WDR59: variants seen among roughly 807,000 people sequenced by gnomAD.
WDR59 encodes the protein GATOR2 complex protein WDR59.
Under a neutral mutation model 131.2 loss-of-function variants are expected in WDR59, and 100 were observed. The ratio of observed to expected loss-of-function variants is 0.76; its 90% CI spans 0.65 to 0.90. The LOEUF is 0.90. Ranked by LOEUF, WDR59 falls within the 40% of genes least tolerant of loss-of-function variation. The pLI, the probability that WDR59 is intolerant of heterozygous loss-of-function variation, is 0.00. For missense variants in WDR59, 1,203 were observed against 1,262.2 expected, an observed-to-expected ratio of 0.95 and a Z score of 0.71; for synonymous variants, 601 against 466.2, an observed-to-expected ratio of 1.29 and a Z score of -3.72.
At chr16:74,933,085 A>G (rs1597742000) in intron 8 of WDR59, among the ~76,000 whole-genome samples, 1 of 152,186 alleles carries the variant, frequency 6.6e-6, no homozygotes, top group Admixed American at 6.6e-5. Context: ...ATAGTACACA[A>G]AAGGAATAAA....
chr16:74,923,620 G>A (rs1000374077), intron 9 of WDR59, among the ~76,000 whole-genome samples: 3 of 152,090 alleles, frequency 2.0e-5, no homozygotes, highest in African/African-American at 7.2e-5. Flanking sequence ...TGGGACTACA[G>A]GCATATGCCA....
intron 6 of WDR59, among the ~76,000 whole-genome samples, chr16:74,945,267 G>C (rs1415027026): frequency 6.6e-6 from 1 of 151,924 alleles, no homozygotes; most frequent in African/African-American, 2.4e-5. Flanking sequence ...ATGAGGTCAG[G>C]AGATCGAGAC....
intron 8 of WDR59, among the ~76,000 whole-genome samples, chr16:74,928,317 G>A (rs917115990): frequency 6.7e-6 from 1 of 150,274 alleles, no homozygotes; most frequent in African/African-American, 2.5e-5. Context: ...CAGTTCAAGT[G>A]ATCTTCCTGC....
At chr16:74,936,861 C>G (rs555714296) in intron 8 of WDR59, among the ~76,000 whole-genome samples, 1 of 151,776 alleles carries the variant, frequency 6.6e-6, no homozygotes, top group Non-Finnish European at 1.5e-5. Flanking sequence ...AAAAATCAAA[C>G]GTAATACGAA....
chr16:74,908,149 G>A (rs967351089), intron 17 of WDR59, among the ~76,000 whole-genome samples: 13 of 151,274 alleles, frequency 8.6e-5, no homozygotes, highest in Admixed American at 6.0e-4. Context: ...TGGGCATGGT[G>A]GCTCACACCT....
rs1259648983 is a variant in WDR59 at position 74,889,767 on chromosome 16, A to C, written c.2131T>G (p.Ser711Ala). ...CAGGGTGTTTCCAAATCTGGGTCAG[A>C]TTTCGGACCAAGGCAAAGATCTGTA... ...VATDLCLGPK[S>A]DPDLETPWAR... The change falls in exon 21 of 26, where the codon TCT (serine) becomes GCT (alanine). Residue 711 changes from serine to alanine, a missense_variant. Physicochemically the swap from Ser to Ala is moderately conservative, Grantham distance 99. Coordinates refer to ENST00000262144, the MANE Select transcript of WDR59 (RefSeq NM_030581.4). The C allele has an allele frequency of 1.9e-6, 3 of 1,614,166 alleles. No individual in the cohort carries two copies. Among genetic ancestry groups the C allele is most frequent in the Non-Finnish European group, 2.5e-6 (3 of 1,180,028 alleles).
At chr16:74,875,088 A>G (rs1245989406) in intron 25 of WDR59, among the ~76,000 whole-genome samples, 1 of 152,166 alleles carries the variant, frequency 6.6e-6, no homozygotes. Flanking sequence ...GTATCAGCTG[A>G]AAGAACTGAA....
intron 10 of WDR59, 87 bp from the exon 11 acceptor site, chr16:74,918,095 T>C: frequency 7.6e-7 from 1 of 1,317,982 alleles, no homozygotes; most frequent in Non-Finnish European, 1.1e-6. Flanking sequence ...GATTCATCCA[T>C]CCATTCAACA....
chr16:74,916,256 A>G lies in WDR59; in HGVS notation c.970T>C (p.Cys324Arg), dbSNP rs751210259. ...ACACCATCTAATATGTCATTTGCACAAAGCTGCAACAAAGGGTAGAAGATG... is the reference window on the plus strand; with the variant it reads ...ACACCATCTAATATGTCATTTGCACGAAGCTGCAACAAAGGGTAGAAGATG... ...WRVDSQMQRL[C>R]ANDILDGVDE... Residue 324 changes from cysteine (C) to arginine (R), a missense_variant, in exon 12 of 26, where the codon TGT (cysteine) becomes CGT (arginine). Cys to Arg is a radical substitution (Grantham distance 180). Coordinates refer to ENST00000262144, the MANE Select transcript of WDR59 (RefSeq NM_030581.4). 6.2e-7 allele frequency: 1 copy of G among 1,613,916 alleles called. No homozygotes were observed. Among genetic ancestry groups the G allele is most frequent in the Non-Finnish European group, 8.5e-7 (1 of 1,179,922 alleles).
At chr16:74,963,356 T>C (rs2033637821) in intron 2 of WDR59, 1 of 152,080 alleles carries the variant, frequency 6.6e-6, no homozygotes, top group South Asian at 2.1e-4. Flanking sequence ...CCACCAATGA[T>C]AGACTGAATA....
intron 1 of WDR59, among the ~76,000 whole-genome samples, chr16:74,967,567 G>C (rs994378657): frequency 6.6e-6 from 1 of 152,142 alleles, no homozygotes; most frequent in Admixed American, 6.6e-5. Context: ...TTGACCTTAA[G>C]ATAGAACTCG....
At chr16:74,959,510 A>C (rs1453712573) in intron 2 of WDR59, 1 of 450,950 alleles carries the variant, frequency 2.2e-6, no homozygotes, top group Non-Finnish European at 4.5e-6. Context: ...TCACACTGGA[A>C]CTCTTAGTGC....
chr16:74,879,394 G>C (rs1789162588), intron 25 of WDR59, among the ~76,000 whole-genome samples: 1 of 152,132 alleles, frequency 6.6e-6, no homozygotes, highest in South Asian at 2.1e-4. Context: ...TAAGCTGACA[G>C]CATTACCACC....
Position 74,874,422 on chromosome 16 carries a change from G to C in WDR59, c.2712C>G (p.His904Gln). The C allele has an allele frequency of 6.2e-7, 1 of 1,614,058 alleles. No individual in the cohort carries two copies. The highest frequency in any genetic ancestry group is 8.5e-7 in the Non-Finnish European group (1 of 1,180,024). The change falls in exon 26 of 26, where the codon CAC becomes CAG. Residue 904 changes from histidine to glutamine, a missense_variant. Physicochemically the swap from His to Gln is conservative, Grantham distance 24 (BLOSUM62 0). Transcript: ENST00000262144. The part of the protein sequence containing the change: ...KGIEFGVYCS[H>Q]CRSEVRGTQC... The stretch of plus-strand genomic sequence containing the variant: ...GCGTGCCACGGACCTCACTCCGGCA[G>C]TGGCTGCAGTACACGCCGAACTCTG...
At chr16:74,957,510 C>T (rs564374385) in intron 2 of WDR59, among the ~76,000 whole-genome samples, 9 of 152,058 alleles carry the variant, frequency 5.9e-5, no homozygotes, top group Non-Finnish European at 8.8e-5. Flanking sequence ...TCAAAATTCC[C>T]CTTACTACTT....
At chr16:74,959,654 T>C in intron 2 of WDR59, 1 of 390,456 alleles carries the variant, frequency 2.6e-6, no homozygotes, top group South Asian at 2.0e-5. Flanking sequence ...TGGTGACATG[T>C]GCCTGTACTC....
At chr16:74,934,422 T>G (rs540208780) in intron 8 of WDR59, among the ~76,000 whole-genome samples, 20 of 152,308 alleles carry the variant, frequency 1.3e-4, no homozygotes, top group African/African-American at 4.6e-4. Flanking sequence ...TTTGATAATA[T>G]CCTCACTGTT....
intron 18 of WDR59, among the ~76,000 whole-genome samples, chr16:74,895,702 A>C (rs1017732691): frequency 9.2e-5 from 14 of 152,232 alleles, no homozygotes; most frequent in African/African-American, 3.4e-4. Context: ...TTTCTAAAAA[A>C]TTATGTGCAT....
chr16:74,913,926 G>A (rs984366944), intron 13 of WDR59, among the ~76,000 whole-genome samples: 17 of 152,188 alleles, frequency 1.1e-4, no homozygotes, highest in African/African-American at 4.1e-4. Context: ...CGGAATTTTG[G>A]CTGGGCACAG....
Sources: allele counts gnomAD v4.1 joint callset (sites outside exome capture counted in the v4.1 genomes callset), GRCh38; gene constraint gnomAD v4.1.1; transcripts MANE v1.5; gene names NCBI Gene and HGNC (gene_info 2026-07-23, HGNC 2026-07-21).